Variants in PLGRKT observed in about 807,000 individuals in gnomAD.
PLGRKT encodes plasminogen receptor with a C-terminal lysine.
In PLGRKT, 22 loss-of-function variants were observed where a neutral mutation model predicts 18.5. The observed-to-expected ratio is 1.19, with a 90% CI of 0.85 to 1.70. The LOEUF (loss-of-function observed/expected upper bound fraction) is 1.70, where lower values mean the gene tolerates loss of function less well. Among genes scored for constraint, PLGRKT ranks in the 40% most tolerant of loss-of-function variants. The probability of loss-of-function intolerance (pLI) is 0.00; values close to 1 mark genes in which losing one functional copy is unlikely to be tolerated. For missense variants in PLGRKT, 235 were observed against 174.4 expected (o/e 1.35, Z -1.96); for synonymous variants, 72 against 52.8 (o/e 1.36, Z -1.58).
upstream of PLGRKT, among the ~76,000 whole-genome samples, chr9:5,438,112 C>T (rs550654265): frequency 1.1e-4 from 16 of 152,298 alleles, no homozygotes; most frequent in African/African-American, 3.6e-4. Flanking sequence ...GAGTGGAATT[C>T]TCAATTAAAG....
intron 3 of PLGRKT, among the ~76,000 whole-genome samples, chr9:5,373,389 T>C (rs1817566184): frequency 6.6e-6 from 1 of 152,194 alleles, no homozygotes; most frequent in African/African-American, 2.4e-5. Context: ...CCACATTCTG[T>C]AAACTCAACT....
intron 3 of PLGRKT, among the ~76,000 whole-genome samples, chr9:5,378,551 G>C (rs960264756): frequency 6.6e-6 from 1 of 152,218 alleles, no homozygotes; most frequent in Non-Finnish European, 1.5e-5. Context: ...TCAGGATAGT[G>C]GCTATCCTTA....
chr9:5,388,014 T>A (rs966250687), intron 3 of PLGRKT, among the ~76,000 whole-genome samples: 34 of 151,860 alleles, frequency 2.2e-4, no homozygotes, highest in African/African-American at 8.0e-4. Flanking sequence ...AAGCAGGCAG[T>A]TTGGTATAGC....
chr9:5,371,897 A>C (rs1436555100), intron 3 of PLGRKT, among the ~76,000 whole-genome samples: 1 of 151,826 alleles, frequency 6.6e-6, no homozygotes, highest in Non-Finnish European at 1.5e-5. Context: ...TACAATACTT[A>C]GGATACCTAA....
rs1355686016 is a variant in PLGRKT, at chr9:5,358,301, T to G, written c.382A>C (p.Ile128Leu). 1.9e-6 allele frequency: 3 copies of G among 1,608,352 alleles called. No homozygotes were observed. The Admixed American group carries it at 5.0e-5, about 27-fold the overall frequency. The change falls in exon 6 of 6, where the codon ATC becomes CTC. Residue 128 changes from isoleucine to leucine, a missense_variant. Coordinates refer to ENST00000223864, the MANE Select transcript of PLGRKT (RefSeq NM_018465.4). ...GCTTTTTCAATGCTTTCAAAAGTGA[T>G]CATTCCTCTTGGCAGCTGCAATTTA... The part of the protein sequence containing the change: ...KSKLQLPRGM[I>L]TFESIEKARK...
intron 3 of PLGRKT, among the ~76,000 whole-genome samples, chr9:5,379,166 T>G (rs529295603): frequency 4.2e-4 from 64 of 152,266 alleles, no homozygotes; most frequent in African/African-American, 1.5e-3. Context: ...ACATTACAGA[T>G]TTTCTATATG....
intron 3 of PLGRKT, among the ~76,000 whole-genome samples, chr9:5,373,298 T>C (rs1178131323): frequency 6.6e-6 from 1 of 152,208 alleles, no homozygotes; most frequent in Non-Finnish European, 1.5e-5. Flanking sequence ...AAGCCTTCCA[T>C]GGACCTTGTG....
intron 2 of PLGRKT, 58 bp from the exon 3 acceptor site, chr9:5,432,041 G>T: frequency 1.3e-6 from 1 of 766,646 alleles, no homozygotes; most frequent in Non-Finnish European, 2.3e-6. Flanking sequence ...ATTCTTGTAT[G>T]CTCCACTTTG....
At chr9:5,370,585 T>G (rs1817494919) in intron 3 of PLGRKT, among the ~76,000 whole-genome samples, 1 of 152,204 alleles carries the variant, frequency 6.6e-6, no homozygotes, top group Non-Finnish European at 1.5e-5. Flanking sequence ...AAAGTTTGGT[T>G]TTTATTTGCA....
intron 3 of PLGRKT, among the ~76,000 whole-genome samples, chr9:5,377,112 C>G (rs991564219): frequency 2.6e-5 from 4 of 152,072 alleles, no homozygotes; most frequent in Non-Finnish European, 5.9e-5. Context: ...TAATGAAATA[C>G]AACAAAATAT....
chr9:5,363,506 T>A (rs1817314286), intron 3 of PLGRKT, among the ~76,000 whole-genome samples: 1 of 152,138 alleles, frequency 6.6e-6, no homozygotes, highest in African/African-American at 2.4e-5. Context: ...CCTTGCAGAC[T>A]TTCTTCACAC....
chr9:5,371,497 T>C (rs1817514957), intron 3 of PLGRKT, among the ~76,000 whole-genome samples: 1 of 152,212 alleles, frequency 6.6e-6, no homozygotes, highest in Non-Finnish European at 1.5e-5. Flanking sequence ...CTTTCGCTTC[T>C]TCCTCATTTT....
At chr9:5,415,405 C>A (rs1293820004) in intron 3 of PLGRKT, among the ~76,000 whole-genome samples, 1 of 152,128 alleles carries the variant, frequency 6.6e-6, no homozygotes, top group Non-Finnish European at 1.5e-5. Flanking sequence ...ATAAAAAAAT[C>A]ACTATTAGGC....
chr9:5,432,393 G>A (rs1164827183), intron 2 of PLGRKT, among the ~76,000 whole-genome samples: 3 of 152,320 alleles, frequency 2.0e-5, no homozygotes, highest in African/African-American at 7.2e-5. Context: ...CAGAACCTTT[G>A]CATCTGAGGA....
intron 3 of PLGRKT, among the ~76,000 whole-genome samples, chr9:5,427,235 C>G (rs764179263): frequency 6.6e-6 from 1 of 152,176 alleles, no homozygotes; most frequent in Non-Finnish European, 1.5e-5. Flanking sequence ...TGTTAGTTAC[C>G]TAATAGCCAT....
intron 3 of PLGRKT, among the ~76,000 whole-genome samples, chr9:5,390,000 G>C (rs928040653): frequency 6.6e-6 from 1 of 151,730 alleles, no homozygotes; most frequent in Non-Finnish European, 1.5e-5. Context: ...GGTACATCAT[G>C]TCCAGAAGCA....
chr9:5,425,397 C>T (rs994017487), intron 3 of PLGRKT, among the ~76,000 whole-genome samples: 4 of 152,136 alleles, frequency 2.6e-5, no homozygotes, highest in Non-Finnish European at 5.9e-5. Flanking sequence ...GAACCAAAGT[C>T]GTAAGTTAAA....
At chr9:5,428,875 T>G (rs1818758265) in intron 3 of PLGRKT, among the ~76,000 whole-genome samples, 2 of 152,164 alleles carry the variant, frequency 1.3e-5, no homozygotes. Context: ...ATTTTTTAAA[T>G]TTTTTAAATG....
chr9:5,396,220 C>A (rs1818045737), intron 3 of PLGRKT, among the ~76,000 whole-genome samples: 1 of 151,708 alleles, frequency 6.6e-6, no homozygotes, highest in Non-Finnish European at 1.5e-5. Context: ...TTATACTTTA[C>A]AATTCTGAAA....
Sources: allele counts gnomAD v4.1 joint callset (sites outside exome capture counted in the v4.1 genomes callset), GRCh38; gene constraint gnomAD v4.1.1; transcripts MANE v1.5; gene names NCBI Gene and HGNC (gene_info 2026-07-23, HGNC 2026-07-21).